The following POR variants were observed in gnomAD, a reference collection of about 807,000 sequenced individuals.
The protein encoded by POR is cytochrome p450 oxidoreductase, also known as NADPH--cytochrome P450 reductase.
A neutral mutation model predicts 84.0 loss-of-function variants in POR; 56 were observed. That is an observed-to-expected ratio of 0.67 (90% CI 0.54 to 0.83). The LOEUF (loss-of-function observed/expected upper bound fraction) is 0.83. Among genes scored for constraint, POR ranks in the 40% least tolerant of loss-of-function variants. The pLI is 0.00. For synonymous variants in POR, 414 were observed against 400.5 expected (o/e 1.03, Z -0.40); for missense variants, 938 against 944.3 (o/e 0.99, Z 0.09).
At chr7:75,980,921 G>A (rs1209286202) in intron 5 of POR, 127 bp from the exon 6 acceptor site, 3 of 1,237,818 alleles carry the variant, frequency 2.4e-6, no homozygotes, top group Non-Finnish European at 3.3e-6. Context: ...GCGCCTGGTG[G>A]AACGGAGGCC....
At chr7:75,974,574 T>C (rs1382582124) in intron 3 of POR, among the ~76,000 whole-genome samples, 1 of 144,410 alleles carries the variant, frequency 6.9e-6, no homozygotes, top group African/African-American at 2.6e-5. Context: ...TTGCCCAGGC[T>C]GGAGTGCAGT....
intron 2 of POR, among the ~76,000 whole-genome samples, chr7:75,966,005 C>G (rs914327644): frequency 6.6e-6 from 1 of 152,096 alleles, no homozygotes; most frequent in Non-Finnish European, 1.5e-5. Context: ...GCCACTGGGC[C>G]CTGGAGCTTT....
At chr7:75,929,369 T>A (rs1440776814) in intron 1 of POR, among the ~76,000 whole-genome samples, 1 of 152,108 alleles carries the variant, frequency 6.6e-6, no homozygotes, top group African/African-American at 2.4e-5. Context: ...GTTCAAGTGA[T>A]TTTCCTGCCT....
At chr7:75,972,280 C>T in intron 2 of POR, 133 bp from the exon 3 acceptor site, 2 of 815,398 alleles carry the variant, frequency 2.5e-6, no homozygotes, top group African/African-American at 1.7e-5. Context: ...TGGCACGGGA[C>T]AAAGCTGGAA....
intron 7 of POR, 111 bp downstream of exon 7, chr7:75,981,717 C>T (rs1460775076): frequency 4.6e-5 from 41 of 888,648 alleles, no homozygotes; most frequent in Non-Finnish European, 5.7e-5. Flanking sequence ...GAAGACACTC[C>T]GTCATAGGGT....
intron 5 of POR, 123 bp from the exon 6 acceptor site, chr7:75,980,925 G>A (rs1322659336): frequency 3.4e-5 from 43 of 1,255,018 alleles, no homozygotes; most frequent in South Asian, 4.8e-5. Flanking sequence ...CTGGTGGAAC[G>A]GAGGCCTGCA....
chr7:75,986,406 G>A lies in POR; in HGVS notation c.1968G>A (p.Met656Ile). The A allele has an allele frequency of 1.9e-6, 3 of 1,612,602 alleles. No individual in the cohort carries two copies. The highest frequency in any genetic ancestry group is 1.3e-5 in the African/African-American group (1 of 75,064). ...ACATCGTGGCTGAGCTCGGGGCCAT[G>A]GAGCACGCGCAGGCGGTGGACTACA... The change falls in exon 16 of 16, where the codon ATG becomes ATA. Residue 656 changes from methionine (M) to isoleucine (I), a missense_variant. Coordinates refer to ENST00000461988, the MANE Select transcript of POR (RefSeq NM_000941.3).
At position 75,986,061 on chromosome 7, in the gene POR, C is replaced by G; in HGVS notation, c.1808C>G (p.Ser603Cys). Residue 603 changes from serine (S) to cysteine (C), a missense_variant, in exon 14 of 16, where the codon TCC (serine) becomes TGC (cysteine). Physicochemically the swap from Ser to Cys is moderately radical, Grantham distance 112. Transcript: ENST00000461988. The stretch of plus-strand genomic sequence containing the variant: ...AACGTGGCCTTCTCCCGGGAGCAGT[C>G]CCACAAGGTGAGACGGGCGGGCACC... The G allele has an allele frequency of 1.3e-6, 2 of 1,561,926 alleles. No individual in the cohort carries two copies. Among genetic ancestry groups the G allele is most frequent in the Non-Finnish European group, 1.7e-6 (2 of 1,154,128 alleles).
intron 6 of POR, 61 bp from the exon 7 acceptor site, chr7:75,981,456 C>T (rs1483143746): frequency 4.7e-6 from 7 of 1,491,064 alleles, no homozygotes; most frequent in Non-Finnish European, 9.2e-7. Context: ...TGCCTGGCAC[C>T]AGGTACCGTT....
In POR at chr7:75,931,070, G is replaced by A. The variant is rs139233354; in HGVS notation, c.-5+15891G>A. On this transcript the variant is annotated intron_variant, in intron 1 of 15. Coordinates refer to ENST00000461988, the MANE Select transcript of POR (RefSeq NM_000941.3). ...ACTCCTGGCCTCAATCCATCCTCCC[G>A]CCTCAGCCTCTCAATGTGCTGGGAT... Among the ~76,000 whole-genome samples the A allele has an allele frequency of 6.8e-4, 103 of 150,582 alleles. 1 individual carries two copies. Among genetic ancestry groups the A allele is most frequent in the Non-Finnish European group, 7.7e-4 (52 of 67,616 alleles).
chr7:75,983,684 G>C, intron 9 of POR, 48 bp downstream of exon 9: 1 of 1,608,890 alleles, frequency 6.2e-7, no homozygotes. Flanking sequence ...TGGGCCTCCT[G>C]ACCTGGGGCA....
intron 1 of POR, among the ~76,000 whole-genome samples, chr7:75,937,761 G>A (rs760955941): frequency 1.3e-5 from 2 of 151,970 alleles, no homozygotes; most frequent in African/African-American, 2.4e-5. Flanking sequence ...CAGCCTGGGC[G>A]ACAAGAGCAA....
intron 8 of POR, among the ~76,000 whole-genome samples, chr7:75,982,776 C>T (rs41299523): frequency 4.8e-4 from 73 of 152,354 alleles, no homozygotes; most frequent in African/African-American, 1.7e-3. Context: ...ACCAGCTGCC[C>T]TGCTTTCTGT....
chr7:75,983,361 C>A, intron 8 of POR, 159 bp from the exon 9 acceptor site: 1 of 604,974 alleles, frequency 1.7e-6, no homozygotes, highest in South Asian at 2.1e-5. Context: ...AAGAGAACTG[C>A]ATTGGACCAG....
Position 75,981,182 on chromosome 7 carries a change from C to A in POR, c.641+10C>A. The A allele has an allele frequency of 6.5e-7, 1 of 1,531,536 alleles. No homozygotes were observed. Among genetic ancestry groups the A allele is most frequent in the East Asian group, 2.5e-5 (1 of 40,724 alleles). The allele number at this position is 1,531,536 out of a possible 1,614,324, so 94.9% of individuals were successfully genotyped here. On this transcript the variant is annotated intron_variant, in intron 6 of 15. Transcript: ENST00000461988. Reference sequence around the variant, plus strand: ...GCGACGACGATGGGAAGTGAGTGCCCACCCTGCCACCATGATCAGCGCGGC... The same window carrying A: ...GCGACGACGATGGGAAGTGAGTGCCAACCCTGCCACCATGATCAGCGCGGC...
At chr7:75,960,776 C>T (rs1222627123) in intron 2 of POR, among the ~76,000 whole-genome samples, 1 of 152,140 alleles carries the variant, frequency 6.6e-6, no homozygotes, top group Non-Finnish European at 1.5e-5. Flanking sequence ...TACCTTAGTG[C>T]GGGGCCGCCT....
intron 1 of POR, among the ~76,000 whole-genome samples, chr7:75,926,520 G>T (rs984472892): frequency 1.3e-5 from 2 of 152,160 alleles, no homozygotes; most frequent in East Asian, 1.9e-4. Flanking sequence ...TGCTGGCCAG[G>T]TGTGGTGGCT....
At chr7:75,947,722 G>T (rs576454816) in intron 1 of POR, among the ~76,000 whole-genome samples, 1 of 152,036 alleles carries the variant, frequency 6.6e-6, no homozygotes, top group Non-Finnish European at 1.5e-5. Context: ...TGGATTCTGC[G>T]CCAAGGAAGT....
intron 1 of POR, among the ~76,000 whole-genome samples, chr7:75,944,535 A>G (rs1199781003): frequency 6.6e-6 from 1 of 152,202 alleles, no homozygotes; most frequent in Admixed American, 6.5e-5. Flanking sequence ...TCTGTCTCAA[A>G]AATAAAATAG....
Sources: allele counts gnomAD v4.1 joint callset (sites outside exome capture counted in the v4.1 genomes callset), GRCh38; gene constraint gnomAD v4.1.1; transcripts MANE v1.5; gene names NCBI Gene and HGNC (gene_info 2026-07-23, HGNC 2026-07-21).